PLEKHH2: variants seen among roughly 807,000 people sequenced by gnomAD.
PLEKHH2 encodes the protein pleckstrin homology, MyTH4 and FERM domain containing H2, also known as pleckstrin homology domain-containing family H member 2.
Under a neutral mutation model 187.9 loss-of-function variants are expected in PLEKHH2, and 129 were observed. The ratio of observed to expected loss-of-function variants is 0.69; its 90% CI spans 0.59 to 0.79. The LOEUF is 0.79. Among genes scored for constraint, PLEKHH2 ranks in the 30% least tolerant of loss-of-function variants. The pLI is 0.00. For missense variants in PLEKHH2, 2,076 were observed against 1,751.2 expected (o/e 1.19, Z -3.31); for synonymous variants, 686 against 605.6 (o/e 1.13, Z -1.95).
chr2:43,670,514 C>T (rs1667443972), intron 2 of PLEKHH2, among the ~76,000 whole-genome samples: 1 of 151,978 alleles, frequency 6.6e-6, no homozygotes, highest in Non-Finnish European at 1.5e-5. Context: ...TATTTCTGAA[C>T]CCTATTTTGT....
chr2:43,697,367 A>T lies in PLEKHH2; in HGVS notation c.688+11A>T. The stretch of plus-strand genomic sequence containing the variant: ...GAAAAGACATGGAAGGTATTTATGA[A>T]CTACAGGAATTGACTTTGGCATTTT... On this transcript the variant is annotated intron_variant, in intron 7 of 29. Transcript: ENST00000282406. 6.3e-7 allele frequency: 1 copy of T among 1,593,804 alleles called. No homozygotes were observed. The highest frequency in any genetic ancestry group is 1.3e-5 in the African/African-American group (1 of 74,250).
At chr2:43,694,239 C>T (rs1284755438) in intron 4 of PLEKHH2, among the ~76,000 whole-genome samples, 192 bp from the exon 5 acceptor site, 2 of 152,160 alleles carry the variant, frequency 1.3e-5, no homozygotes, top group Non-Finnish European at 2.9e-5. Context: ...GTAATACATG[C>T]ATGTGGCTTT....
intron 2 of PLEKHH2, among the ~76,000 whole-genome samples, chr2:43,647,113 T>G (rs1666219525): frequency 6.6e-6 from 1 of 152,182 alleles, no homozygotes; most frequent in South Asian, 2.1e-4. Flanking sequence ...TAGGATAAGC[T>G]CTGTATAGGT....
At chr2:43,638,359 C>CTAACG (rs1434984113) in intron 1 of PLEKHH2, among the ~76,000 whole-genome samples, 1 of 152,158 alleles carries the variant, frequency 6.6e-6, no homozygotes, top group African/African-American at 2.4e-5. Context: ...ATCATAGAGA[C>CTAACG]TAACGCTGCG....
chr2:43,760,795 C>A (rs1473243548), intron 27 of PLEKHH2, among the ~76,000 whole-genome samples: 1 of 152,206 alleles, frequency 6.6e-6, no homozygotes, highest in Admixed American at 6.5e-5. Context: ...CCCCAGTCCT[C>A]CCTCCTCCTC....
Position 43,711,584 on chromosome 2 carries a change from C to T in PLEKHH2, c.2302-641C>T, listed in dbSNP as rs917561381. On this transcript the variant is annotated intron_variant, in intron 14 of 29. Coordinates refer to ENST00000282406, the MANE Select transcript of PLEKHH2 (RefSeq NM_172069.4). ...TTTATTATAGTCTTTAATCATTCTGCTCCTCATTTCAATAAGTAGGAACCT... is the reference window on the plus strand; with the variant it reads ...TTTATTATAGTCTTTAATCATTCTGTTCCTCATTTCAATAAGTAGGAACCT... 3 of 976,462 alleles carry T rather than the reference C, an allele frequency of 3.1e-6. No individual in the cohort carries two copies. In the African/African-American group the frequency reaches 5.3e-5, roughly 17 times the overall value. 60.5% of individuals were successfully genotyped at this position (976,462 alleles called of 1,614,324 possible). A position where few individuals can be genotyped will look rare whatever the true frequency, so the allele number is the denominator to read the frequency against.
chr2:43,709,822 G>A (rs1264721688), intron 11 of PLEKHH2, among the ~76,000 whole-genome samples, 168 bp from the exon 12 acceptor site: 6 of 152,160 alleles, frequency 3.9e-5, no homozygotes, highest in South Asian at 2.1e-4. Flanking sequence ...GTGACAGAGC[G>A]AGACTCTGTC....
Position 43,753,910 on chromosome 2 carries a change from G to A in PLEKHH2, c.3795+150G>A, listed in dbSNP as rs943859289. ...AAAAATTACAGGCACTATAATTATAGTTTGCCTCTAAACTGCTGACAATTG... is the reference window on the plus strand; with the variant it reads ...AAAAATTACAGGCACTATAATTATAATTTGCCTCTAAACTGCTGACAATTG... On this transcript the variant is annotated intron_variant, in intron 25 of 29. Coordinates refer to ENST00000282406, the MANE Select transcript of PLEKHH2 (RefSeq NM_172069.4). 6 of 632,762 alleles carry A rather than the reference G, an allele frequency of 9.5e-6. No individual in the cohort carries two copies. In the Admixed American group the frequency reaches 1.2e-4, roughly 12 times the overall value. 39.2% of individuals were successfully genotyped at this position (632,762 alleles called of 1,614,324 possible).
Position 43,694,504 on chromosome 2 carries a change from A to T in PLEKHH2, c.410A>T (p.Lys137Met). 1 of 1,554,644 alleles carries T rather than the reference A, an allele frequency of 6.4e-7. No homozygotes were observed. Among genetic ancestry groups the T allele is most frequent in the Non-Finnish European group, 8.8e-7 (1 of 1,142,816 alleles). ...AAKIKEWVTV[K>M]LNELELENQN... is the part of the protein sequence containing the mutation. ...AAGATAAAAGAATGGGTAACAGTTA[A>T]GTTAAATGAGGTATTTATTGCTATA... The change falls in exon 5 of 30, where the codon AAG becomes ATG. Residue 137 changes from lysine to methionine, a missense_variant. Physicochemically the swap from Lys to Met is moderately conservative, Grantham distance 95 (BLOSUM62 -1). Coordinates refer to ENST00000282406, the MANE Select transcript of PLEKHH2 (RefSeq NM_172069.4).
chr2:43,667,530 G>C (rs191976916), intron 2 of PLEKHH2, among the ~76,000 whole-genome samples: 3 of 152,106 alleles, frequency 2.0e-5, no homozygotes, highest in Admixed American at 6.5e-5. Context: ...GTGAAACAAC[G>C]CAAAAGCTCA....
rs536290707 is a variant in PLEKHH2, at chr2:43,650,340, C to T, written c.123+5544C>T. Among the ~76,000 whole-genome samples the T allele has an allele frequency of 9.2e-5, 14 of 151,856 alleles. No individual in the cohort carries two copies. In the South Asian group the frequency reaches 1.5e-3, roughly 16 times the overall value. Reference sequence around the variant, plus strand: ...TAGAGATGGGGTTTCACCATGTTGGCCAGGCTGGTCTCAAACTCCTAACCT... The same window carrying T: ...TAGAGATGGGGTTTCACCATGTTGGTCAGGCTGGTCTCAAACTCCTAACCT... On this transcript the variant is annotated intron_variant, in intron 2 of 29. Transcript: ENST00000282406.
In PLEKHH2 at chr2:43,712,217, C is replaced by A. The variant is rs369802349; in HGVS notation, c.2302-8C>A. 1.1e-5 allele frequency: 18 copies of A among 1,610,756 alleles called. No homozygotes were observed. The highest frequency in any genetic ancestry group is 3.3e-5 in the Admixed American group (2 of 59,976). ...TTTCTTTCCTATACCTTTCTCGTTG[C>A]ATTCTAGTTGACCACTGAAAAACAC... On this transcript the variant is annotated splice_region_variant and splice_polypyrimidine_tract_variant and intron_variant, in intron 14 of 29. Transcript: ENST00000282406.
intron 3 of PLEKHH2, among the ~76,000 whole-genome samples, chr2:43,685,728 C>A (rs954294314): frequency 6.6e-6 from 1 of 152,068 alleles, no homozygotes; most frequent in African/African-American, 2.4e-5. Context: ...CGGCATGAGC[C>A]ACCACCCACG....
At chr2:43,683,141 C>T (rs1668302736) in intron 3 of PLEKHH2, among the ~76,000 whole-genome samples, 1 of 117,330 alleles carries the variant, frequency 8.5e-6, no homozygotes, top group East Asian at 2.1e-4. Context: ...ATTTATATAC[C>T]CTTTTTTTTT....
At chr2:43,677,611 C>T (rs1445369903) in intron 2 of PLEKHH2, among the ~76,000 whole-genome samples, 1 of 151,732 alleles carries the variant, frequency 6.6e-6, no homozygotes, top group Non-Finnish European at 1.5e-5. Context: ...TCCACACAGA[C>T]ACGGCAACCA....
chr2:43,700,228 T>C lies in PLEKHH2; in HGVS notation c.1270T>C (p.Ser424Pro). The C allele has an allele frequency of 6.2e-6, 10 of 1,614,098 alleles. No homozygotes were observed. The highest frequency in any genetic ancestry group is 8.5e-6 in the Non-Finnish European group (10 of 1,180,014). ...AATGCCAAAGCATCCTAACTCACTC[T>C]CTGGAAAAGGAACACAATTAGTGCC... ...ALMPKHPNSL[S>P]GKGTQLVPSS... Residue 424 changes from serine (S) to proline (P), a missense_variant, in exon 8 of 30, where the codon TCT (serine) becomes CCT (proline). Transcript: ENST00000282406.
intron 14 of PLEKHH2, chr2:43,711,770 G>A (rs1669978685): frequency 2.6e-6 from 1 of 390,928 alleles, no homozygotes; most frequent in Non-Finnish European, 3.5e-6. Flanking sequence ...GCAGGTGCCT[G>A]TAAGTCCCAG....
chr2:43,744,868 A>T lies in PLEKHH2; in HGVS notation c.3555+879A>T, dbSNP rs1292521163. On this transcript the variant is annotated intron_variant, in intron 23 of 29. Coordinates refer to ENST00000282406, the MANE Select transcript of PLEKHH2 (RefSeq NM_172069.4). ...GGGTGACAGAGCAAGACTGTCTCAC[A>T]AAAAAAAAAAAAAAAAAAAGAAAAA... Among the ~76,000 whole-genome samples, 461 of 123,234 alleles carry T rather than the reference A, an allele frequency of 3.7e-3. 3 individuals carry two copies. The highest frequency in any genetic ancestry group is 5.0e-3 in the Non-Finnish European group (304 of 60,536). 80.8% of individuals were successfully genotyped at this position (123,234 alleles called of 152,430 possible).
chr2:43,758,701 T>G (rs1672310888), intron 26 of PLEKHH2, among the ~76,000 whole-genome samples, 199 bp from the exon 27 acceptor site: 1 of 152,170 alleles, frequency 6.6e-6, no homozygotes, highest in African/African-American at 2.4e-5. Context: ...AGTATGAGAA[T>G]TTGGTGAAAG....
Sources: allele counts gnomAD v4.1 joint callset (sites outside exome capture counted in the v4.1 genomes callset), GRCh38; gene constraint gnomAD v4.1.1; transcripts MANE v1.5; gene names NCBI Gene and HGNC (gene_info 2026-07-23, HGNC 2026-07-21).